The following IMMP2L variants were observed in gnomAD, a reference collection of about 807,000 sequenced individuals.
IMMP2L encodes the protein mitochondrial inner membrane protease subunit 2.
A neutral mutation model predicts 19.3 loss-of-function variants in IMMP2L; 18 were observed. The observed-to-expected ratio is 0.93, with a 90% CI of 0.64 to 1.38. The LOEUF is 1.38. Ranked by LOEUF, IMMP2L falls within the 40% of genes most tolerant of loss-of-function variation. IMMP2L has a pLI of 0.00. For missense variants in IMMP2L, 233 were observed against 218.2 expected (o/e 1.07, Z -0.43); for synonymous variants, 76 against 73.0 (o/e 1.04, Z -0.21).
chr7:111,510,022 AG>A (rs2132550463), intron 2 of IMMP2L, among the ~76,000 whole-genome samples: 1 of 152,280 alleles, frequency 6.6e-6, no homozygotes, highest in South Asian at 2.1e-4. Context: ...TAATAATTAG[AG>A]GGCAGTACAA....
At chr7:111,453,657 C>A (rs1585170957) in intron 3 of IMMP2L, among the ~76,000 whole-genome samples, 1 of 151,962 alleles carries the variant, frequency 6.6e-6, no homozygotes, top group East Asian at 1.9e-4. Flanking sequence ...GAGTCAGTGA[C>A]AGGAAAGTAA....
chr7:111,046,596 G>C (rs111718531), intron 3 of IMMP2L, among the ~76,000 whole-genome samples: 5,299 of 152,162 alleles, frequency 0.035, 134 homozygotes, highest in South Asian at 0.076. Flanking sequence ...GATTACAGAA[G>C]ACTATTAAAT....
intron 5 of IMMP2L, among the ~76,000 whole-genome samples, chr7:110,689,874 G>A (rs891083109): frequency 1.3e-5 from 2 of 152,124 alleles, no homozygotes; most frequent in Non-Finnish European, 2.9e-5. Flanking sequence ...CTCTGGTCTA[G>A]ACCAGTTTGT....
At chr7:110,845,700 TCTC>T (rs1805586029) in intron 5 of IMMP2L, among the ~76,000 whole-genome samples, 1 of 152,144 alleles carries the variant, frequency 6.6e-6, no homozygotes, top group Non-Finnish European at 1.5e-5. Context: ...CAAACTGTCT[TCTC>T]CCTTAACTTC....
At chr7:110,898,812 T>G (rs1811577015) in intron 4 of IMMP2L, among the ~76,000 whole-genome samples, 2 of 148,906 alleles carry the variant, frequency 1.3e-5, no homozygotes, top group South Asian at 2.1e-4. Context: ...AGTTTGTTTT[T>G]TTTTTTTTTT....
chr7:110,873,386 C>T (rs1808716774), intron 5 of IMMP2L, among the ~76,000 whole-genome samples: 1 of 134,512 alleles, frequency 7.4e-6, no homozygotes, highest in Non-Finnish European at 1.5e-5. Context: ...CAAGAATGTG[C>T]CACACTGCAC....
chr7:111,139,537 T>A (rs547970859), intron 3 of IMMP2L, among the ~76,000 whole-genome samples: 28 of 152,230 alleles, frequency 1.8e-4, no homozygotes, highest in African/African-American at 6.3e-4. Context: ...AGAGATTTTT[T>A]AAAAATGCTA....
chr7:111,201,475 G>A (rs975964120), intron 3 of IMMP2L, among the ~76,000 whole-genome samples: 3 of 151,818 alleles, frequency 2.0e-5, no homozygotes, highest in Admixed American at 2.0e-4. Flanking sequence ...CAACACTTTG[G>A]GAGGCTGAGG....
intron 3 of IMMP2L, among the ~76,000 whole-genome samples, chr7:111,443,472 T>A (rs1185084422): frequency 1.3e-5 from 2 of 152,130 alleles, no homozygotes; most frequent in Non-Finnish European, 2.9e-5. Flanking sequence ...CCAGAATGCC[T>A]AGTAAGCTTG....
intron 3 of IMMP2L, among the ~76,000 whole-genome samples, chr7:111,143,924 G>T (rs147470391): frequency 1.9e-3 from 292 of 152,196 alleles, no homozygotes; most frequent in Middle Eastern, 6.8e-3. Context: ...AAAATGGTTA[G>T]TTTTCTATTT....
At chr7:111,555,855 T>C (rs956625565) in intron 1 of IMMP2L, among the ~76,000 whole-genome samples, 1 of 151,328 alleles carries the variant, frequency 6.6e-6, no homozygotes, top group African/African-American at 2.4e-5. Context: ...TACTACCAAA[T>C]AAAACAAGAG....
At chr7:111,542,370 C>A in intron 1 of IMMP2L, among the ~76,000 whole-genome samples, 1 of 152,170 alleles carries the variant, frequency 6.6e-6, no homozygotes, top group East Asian at 1.9e-4. Context: ...CACAGTAATA[C>A]TGAAAATTGT....
chr7:110,839,436 T>C (rs1410515710), intron 5 of IMMP2L, among the ~76,000 whole-genome samples: 1 of 152,096 alleles, frequency 6.6e-6, no homozygotes. Flanking sequence ...TATAGATATA[T>C]CAGAAATCAT....
At chr7:111,454,848 G>T (rs1485287980) in intron 3 of IMMP2L, among the ~76,000 whole-genome samples, 5 of 151,952 alleles carry the variant, frequency 3.3e-5, no homozygotes, top group Admixed American at 2.0e-4. Context: ...ATGGAATGAT[G>T]AATGATTAAG....
intron 5 of IMMP2L, among the ~76,000 whole-genome samples, chr7:110,759,861 T>C (rs1463228221): frequency 6.6e-6 from 1 of 152,140 alleles, no homozygotes; most frequent in Admixed American, 6.6e-5. Context: ...TTGAACTTCC[T>C]GGCAGAAGCA....
intron 5 of IMMP2L, among the ~76,000 whole-genome samples, chr7:110,846,366 T>TGTTG (rs59260099): frequency 1.5e-4 from 17 of 113,150 alleles, no homozygotes; most frequent in South Asian, 7.2e-4. Flanking sequence ...TTTTTTTTTT[T>TGTTG]TTGTTGTTGT....
chr7:110,936,797 CCCAAATT>C (rs1289134694), intron 4 of IMMP2L, among the ~76,000 whole-genome samples: 3 of 152,124 alleles, frequency 2.0e-5, no homozygotes, highest in African/African-American at 7.2e-5. Flanking sequence ...TTGGAACCAA[CCCAAATT>C]CCTATCAATG....
At chr7:110,891,675 GAATAT>G (rs1229791341) in intron 4 of IMMP2L, among the ~76,000 whole-genome samples, 1 of 152,016 alleles carries the variant, frequency 6.6e-6, no homozygotes, top group Non-Finnish European at 1.5e-5. Context: ...GAGTAAGGAA[GAATAT>G]AATATTTTAA....
chr7:111,444,325 T>C (rs1280197037), intron 3 of IMMP2L, among the ~76,000 whole-genome samples: 1 of 152,160 alleles, frequency 6.6e-6, no homozygotes, highest in Non-Finnish European at 1.5e-5. Flanking sequence ...ACAAGAAAGA[T>C]GGCACAGTGG....
Sources: allele counts gnomAD v4.1 joint callset (sites outside exome capture counted in the v4.1 genomes callset), GRCh38; gene constraint gnomAD v4.1.1; transcripts MANE v1.5; gene names NCBI Gene and HGNC (gene_info 2026-07-23, HGNC 2026-07-21).